The following SLC38A6 variants were observed in gnomAD, a reference collection of about 807,000 sequenced individuals.
SLC38A6 encodes solute carrier family 38 member 6.
Under a neutral mutation model 65.0 loss-of-function variants are expected in SLC38A6, and 73 were observed. The ratio of observed to expected loss-of-function variants is 1.12; its 90% CI spans 0.93 to 1.37. SLC38A6 has a LOEUF of 1.37. Among genes scored for constraint, SLC38A6 ranks in the 40% most tolerant of loss-of-function variants. The probability of loss-of-function intolerance (pLI) is 0.00; values close to 1 mark genes in which losing one functional copy is unlikely to be tolerated. For synonymous variants in SLC38A6, 183 were observed against 178.8 expected (o/e 1.02, Z -0.19); for missense variants, 561 against 531.1 (o/e 1.06, Z -0.55).
intron 16 of SLC38A6, among the ~76,000 whole-genome samples, chr14:61,081,014 G>A (rs996125728): frequency 6.6e-6 from 1 of 152,176 alleles, no homozygotes; most frequent in Non-Finnish European, 1.5e-5. Context: ...TTGGATTTCG[G>A]TTTTCTGGCA....
At chr14:60,993,799 G>A (rs1244164684) in intron 3 of SLC38A6, among the ~76,000 whole-genome samples, 1 of 152,146 alleles carries the variant, frequency 6.6e-6, no homozygotes, top group Non-Finnish European at 1.5e-5. Context: ...AAATAGCCAA[G>A]TATCACCAGA....
intron 15 of SLC38A6, among the ~76,000 whole-genome samples, chr14:61,066,470 G>C (rs1303864240): frequency 6.6e-6 from 1 of 151,932 alleles, no homozygotes; most frequent in Non-Finnish European, 1.5e-5. Context: ...ATTCACCTGT[G>C]GTACAAAGTA....
At chr14:61,026,369 G>A (rs1015237017) in intron 5 of SLC38A6, among the ~76,000 whole-genome samples, 1 of 152,042 alleles carries the variant, frequency 6.6e-6, no homozygotes, top group Non-Finnish European at 1.5e-5. Context: ...AGCAGTAGAT[G>A]CAATAGAATC....
rs111834832 is a variant in SLC38A6 at position 61,004,214 on chromosome 14, G to A, written c.311-11690G>A. On this transcript the variant is annotated intron_variant, in intron 3 of 15. Coordinates refer to ENST00000267488, the MANE Select transcript of SLC38A6 (RefSeq NM_153811.3). Reference sequence around the variant, plus strand: ...CAGTATTATGGTTTTGGTTCACAGCGAAGGTATTTGCTTGCTACATTTGCT... The same window carrying A: ...CAGTATTATGGTTTTGGTTCACAGCAAAGGTATTTGCTTGCTACATTTGCT... Among the ~76,000 whole-genome samples, 1,308 of 152,192 alleles carry A rather than the reference G, an allele frequency of 8.6e-3. 21 individuals are homozygous for A. The highest frequency in any genetic ancestry group is 0.03 in the African/African-American group (1,229 of 41,536).
intron 3 of SLC38A6, among the ~76,000 whole-genome samples, chr14:61,015,481 T>G (rs1165950692): frequency 6.6e-6 from 1 of 151,588 alleles, no homozygotes; most frequent in Non-Finnish European, 1.5e-5. Context: ...CGGAAATAAC[T>G]TTTAATATGT....
At chr14:61,074,582 C>T (rs2043334933) in intron 15 of SLC38A6, among the ~76,000 whole-genome samples, 1 of 152,118 alleles carries the variant, frequency 6.6e-6, no homozygotes, top group Non-Finnish European at 1.5e-5. Context: ...CCAAAGACCC[C>T]ATCTTGAAAT....
At chr14:61,027,903 T>A (rs1207049672) in intron 5 of SLC38A6, among the ~76,000 whole-genome samples, 2 of 151,926 alleles carry the variant, frequency 1.3e-5, no homozygotes, top group East Asian at 3.8e-4. Context: ...ATACTAACAT[T>A]CTCTAGAAAA....
At chr14:61,008,458 AT>A (rs1595050437) in intron 3 of SLC38A6, among the ~76,000 whole-genome samples, 1 of 152,122 alleles carries the variant, frequency 6.6e-6, no homozygotes, top group East Asian at 1.9e-4. Flanking sequence ...TCTTGAGAAG[AT>A]TTATTGGAAC....
chr14:61,020,715 G>T (rs2040301784), intron 5 of SLC38A6, among the ~76,000 whole-genome samples: 1 of 152,052 alleles, frequency 6.6e-6, no homozygotes, highest in Non-Finnish European at 1.5e-5. Flanking sequence ...CTTCATTTAT[G>T]AATTTATTAT....
chr14:61,034,470 T>TG (rs1283708600), intron 6 of SLC38A6, among the ~76,000 whole-genome samples: 1 of 152,164 alleles, frequency 6.6e-6, no homozygotes, highest in East Asian at 1.9e-4. Context: ...AACTAACAGA[T>TG]GGAATCTCCT....
intron 6 of SLC38A6, chr14:61,034,362 T>G (rs1322563825): frequency 1.3e-5 from 2 of 151,880 alleles, no homozygotes; most frequent in African/African-American, 4.9e-5. Context: ...TAATTTTTTG[T>G]TTTATTTTAT....
At chr14:61,043,239 T>G (rs763710299) in intron 9 of SLC38A6, 27 bp downstream of exon 9, 2 of 1,365,786 alleles carry the variant, frequency 1.5e-6, no homozygotes, top group Non-Finnish European at 2.0e-6. Flanking sequence ...TCTTTTCAGT[T>G]TCTTCCTTTT....
chr14:61,043,564 T>A (rs2041942758), intron 10 of SLC38A6, 61 bp downstream of exon 10: 2 of 1,284,660 alleles, frequency 1.6e-6, no homozygotes, highest in East Asian at 2.3e-5. Flanking sequence ...TTTAAGAGGT[T>A]TGTGTAACAG....
At chr14:61,002,662 A>T (rs1314492381) in intron 3 of SLC38A6, among the ~76,000 whole-genome samples, 1 of 152,184 alleles carries the variant, frequency 6.6e-6, no homozygotes, top group African/African-American at 2.4e-5. Flanking sequence ...CTCTCGCCAA[A>T]ATATTATAGC....
At chr14:60,986,337 G>A (rs1160376110) in intron 3 of SLC38A6, among the ~76,000 whole-genome samples, 1 of 152,136 alleles carries the variant, frequency 6.6e-6, no homozygotes, top group Non-Finnish European at 1.5e-5. Context: ...TTTTAACAAG[G>A]CAAAACCAGT....
chr14:61,062,926 G>A (rs960393737), intron 15 of SLC38A6, among the ~76,000 whole-genome samples: 13 of 152,122 alleles, frequency 8.5e-5, no homozygotes, highest in African/African-American at 3.1e-4. Context: ...TGATCTGCCC[G>A]CCTCAGCCTC....
At chr14:61,019,163 C>G (rs2040198914) in intron 4 of SLC38A6, among the ~76,000 whole-genome samples, 1 of 152,054 alleles carries the variant, frequency 6.6e-6, no homozygotes, top group African/African-American at 2.4e-5. Context: ...CATAGCACAC[C>G]CAGCCGGTCT....
intron 2 of SLC38A6, 89 bp downstream of exon 2, chr14:60,982,727 A>G: frequency 2.2e-6 from 3 of 1,381,194 alleles, no homozygotes; most frequent in Non-Finnish European, 2.9e-6. Context: ...AGCTGCTATT[A>G]TACAATTTCT....
intron 15 of SLC38A6, among the ~76,000 whole-genome samples, chr14:61,069,446 T>TA (rs2043148423): frequency 6.6e-6 from 1 of 152,110 alleles, no homozygotes; most frequent in Non-Finnish European, 1.5e-5. Context: ...AGCCCTTTCT[T>TA]ACGTATGTTC....
Sources: gnomAD v4.1 joint callset for allele counts (sites outside exome capture counted in the v4.1 genomes callset) on GRCh38, gnomAD v4.1.1 for gene constraint, MANE v1.5 for transcripts, NCBI Gene and HGNC (gene_info 2026-07-23, HGNC 2026-07-21) for gene names.